Variants in SPINK5 observed in about 807,000 individuals in gnomAD.
SPINK5 encodes serine peptidase inhibitor Kazal type 5.
Under a neutral mutation model 151.8 loss-of-function variants are expected in SPINK5, and 125 were observed. The observed-to-expected ratio is 0.82, with a 90% CI of 0.71 to 0.96. The LOEUF (loss-of-function observed/expected upper bound fraction) is 0.96. SPINK5 is among the 40% of genes least tolerant of loss of function. SPINK5 has a pLI of 0.00. For missense variants in SPINK5, 1,194 were observed against 1,291.9 expected (o/e 0.92, Z 1.16); for synonymous variants, 374 against 395.3 (o/e 0.95, Z 0.64).
chr5:148,112,126 A>G (rs1341449681), intron 19 of SPINK5, among the ~76,000 whole-genome samples: 2 of 152,240 alleles, frequency 1.3e-5, no homozygotes, highest in Non-Finnish European at 2.9e-5. Flanking sequence ...CCATGTGCTA[A>G]GAGCAAAATT....
chr5:148,096,724 T>C lies in SPINK5; in HGVS notation c.882+819T>C, dbSNP rs554971913. Reference sequence around the variant, plus strand: ...AACTCCATTTTCTTTCTTTCTTTCTTTTTTTCTTTTTCTTTTTCTTTTCTT... The same window carrying C: ...AACTCCATTTTCTTTCTTTCTTTCTCTTTTTCTTTTTCTTTTTCTTTTCTT... On this transcript the variant is annotated intron_variant, in intron 10 of 32. Transcript: ENST00000256084. 6.0e-5 allele frequency among the ~76,000 whole-genome samples: 9 copies of C among 149,618 alleles called. No individual in the cohort carries two copies. In the East Asian group the frequency reaches 9.9e-4, roughly 16 times the overall value.
At chr5:148,068,767 A>G (rs1752657600) in intron 2 of SPINK5, among the ~76,000 whole-genome samples, 1 of 152,076 alleles carries the variant, frequency 6.6e-6, no homozygotes, top group Non-Finnish European at 1.5e-5. Flanking sequence ...ACAAAAAACA[A>G]CAAAAATCCC....
chr5:148,114,047 T>G (rs536438203), intron 20 of SPINK5, among the ~76,000 whole-genome samples: 3 of 152,180 alleles, frequency 2.0e-5, no homozygotes, highest in Non-Finnish European at 4.4e-5. Flanking sequence ...ACTTCAGTGA[T>G]TGCTTATTCT....
At chr5:148,117,774 A>G (rs1247595126) in intron 22 of SPINK5, among the ~76,000 whole-genome samples, 1 of 152,208 alleles carries the variant, frequency 6.6e-6, no homozygotes, top group East Asian at 1.9e-4. Flanking sequence ...GTACAGGGCC[A>G]ACTGACAGAC....
chr5:148,090,489 G>GT (rs150042004), intron 7 of SPINK5, among the ~76,000 whole-genome samples: 4,758 of 150,230 alleles, frequency 0.032, 240 homozygotes, highest in African/African-American at 0.11. Context: ...ATTCTGTAGG[G>GT]TTTTTTTTTC....
rs144450797 is a variant in SPINK5, at chr5:148,134,396, T to C, written c.3186+509T>C. Among the ~76,000 whole-genome samples the C allele has an allele frequency of 4.8e-3, 736 of 152,292 alleles. 3 individuals carry two copies. The highest frequency in any genetic ancestry group is 8.0e-3 in the Non-Finnish European group (543 of 68,022). On this transcript the variant is annotated intron_variant, in intron 32 of 32. Transcript: ENST00000256084. ...ACATTCTCCCTGGTGGCTATTTGAA[T>C]AGTCATCCTCAGGGAGATGGTATGT...
At chr5:148,083,868 G>T (rs545555317) in intron 4 of SPINK5, among the ~76,000 whole-genome samples, 19 of 151,396 alleles carry the variant, frequency 1.3e-4, no homozygotes, top group Admixed American at 1.1e-3. Context: ...TTGCCTTCTA[G>T]GAGAATTCCT....
chr5:148,101,414 C>T lies in SPINK5; in HGVS notation c.1280C>T (p.Ser427Phe), dbSNP rs781683378. The change falls in exon 14 of 33, where the codon TCT (serine) becomes TTT (phenylalanine). Residue 427 changes from serine (S) to phenylalanine (F), a missense_variant. By Grantham distance (155) the Ser-to-Phe change is radical (BLOSUM62 -2). Transcript: ENST00000256084. ...KEGKSRNKRQ[S>F]KSTASFEELC... is the part of the protein sequence containing the mutation. Reference sequence around the variant, plus strand: ...GGTAAATCAAGAAACAAAAGACAATCTAAGAGTACAGCTTCCTTTGAGGTG... The same window carrying T: ...GGTAAATCAAGAAACAAAAGACAATTTAAGAGTACAGCTTCCTTTGAGGTG... 1.2e-6 allele frequency: 2 copies of T among 1,611,250 alleles called. No individual in the cohort carries two copies. The highest frequency in any genetic ancestry group is 1.7e-6 in the Non-Finnish European group (2 of 1,177,610).
chr5:148,111,052 G>A (rs1435296802), intron 18 of SPINK5, among the ~76,000 whole-genome samples: 1 of 151,890 alleles, frequency 6.6e-6, no homozygotes, highest in Non-Finnish European at 1.5e-5. Flanking sequence ...TAGGTTAGAA[G>A]GCTAAAAAGG....
Position 148,116,151 on chromosome 5 carries a change from A to G in SPINK5, c.2016-219A>G, listed in dbSNP as rs189747548. Among the ~76,000 whole-genome samples, 12 of 152,206 alleles carry G rather than the reference A, an allele frequency of 7.9e-5. No individual in the cohort carries two copies. In the East Asian group the frequency reaches 2.3e-3, roughly 29 times the overall value. ...CACCTTGTCTTGTTTATGGTGATAT[A>G]TATGTGGTGTTCTTTTATTTTAATG... On this transcript the variant is annotated intron_variant, in intron 21 of 32. Transcript: ENST00000256084.
At chr5:148,116,601 G>T in intron 22 of SPINK5, 135 bp downstream of exon 22, 2 of 866,102 alleles carry the variant, frequency 2.3e-6, no homozygotes, top group Non-Finnish European at 3.8e-6. Context: ...CCTTAAGGTT[G>T]CAGGGTAAGA....
chr5:148,123,186 C>CA (rs1486083292), intron 26 of SPINK5, among the ~76,000 whole-genome samples: 4 of 151,194 alleles, frequency 2.6e-5, no homozygotes, highest in Non-Finnish European at 4.4e-5. Context: ...CCCGTCTCTA[C>CA]AAAAAATTTT....
intron 4 of SPINK5, among the ~76,000 whole-genome samples, chr5:148,085,312 A>G (rs77078343): frequency 0.054 from 8,189 of 151,942 alleles, 728 homozygotes; most frequent in African/African-American, 0.19. Context: ...AGTGTTTCAT[A>G]TTTATCATTA....
chr5:148,106,068 T>C (rs1167047479), intron 16 of SPINK5, among the ~76,000 whole-genome samples: 1 of 152,142 alleles, frequency 6.6e-6, no homozygotes, highest in Non-Finnish European at 1.5e-5. Context: ...TATCTTTTCA[T>C]TGATCATTTA....
At chr5:148,106,930 T>G in intron 16 of SPINK5, 107 bp from the exon 17 acceptor site, 1 of 1,447,404 alleles carries the variant, frequency 6.9e-7, no homozygotes, top group East Asian at 2.5e-5. Context: ...CTATGTGTTA[T>G]CACTTTTGTT....
At chr5:148,124,227 C>T (rs941349176) in intron 27 of SPINK5, among the ~76,000 whole-genome samples, 2 of 152,154 alleles carry the variant, frequency 1.3e-5, no homozygotes, top group Non-Finnish European at 2.9e-5. Flanking sequence ...TTGTGCAGAG[C>T]CTCAGTTCCT....
intron 21 of SPINK5, 127 bp from the exon 22 acceptor site, chr5:148,116,243 G>A: frequency 1.1e-6 from 1 of 907,792 alleles, no homozygotes; most frequent in Non-Finnish European, 1.8e-6. Context: ...CTGCAGCATA[G>A]TAGATGTTAA....
intron 4 of SPINK5, among the ~76,000 whole-genome samples, chr5:148,074,212 C>T (rs928360464): frequency 2.1e-4 from 32 of 151,928 alleles, no homozygotes; most frequent in Middle Eastern, 3.4e-3. Flanking sequence ...CTCCTACAGA[C>T]ATCCTCTCAC....
At chr5:148,100,687 T>A in intron 13 of SPINK5, 106 bp downstream of exon 13, 1 of 1,306,942 alleles carries the variant, frequency 7.7e-7, no homozygotes, top group Non-Finnish European at 1.1e-6. Context: ...ATGAAAGAAT[T>A]AAGGCATATT....
Sources: allele counts gnomAD v4.1 joint callset (sites outside exome capture counted in the v4.1 genomes callset), GRCh38; gene constraint gnomAD v4.1.1; transcripts MANE v1.5; gene names NCBI Gene and HGNC (gene_info 2026-07-23, HGNC 2026-07-21).